NSMAF: variants seen among roughly 807,000 people sequenced by gnomAD.
NSMAF encodes the protein protein FAN.
NSMAF carries 90 observed loss-of-function variants against 134.9 expected under a neutral mutation model. The ratio of observed to expected loss-of-function variants is 0.67; its 90% CI spans 0.56 to 0.79. NSMAF has a LOEUF of 0.79. Ranked by LOEUF, NSMAF falls within the 30% of genes least tolerant of loss-of-function variation. The pLI, the probability that NSMAF is intolerant of heterozygous loss-of-function variation, is 0.00. For missense variants in NSMAF, 1,010 were observed against 1,119.0 expected (o/e 0.90, Z 1.39); for synonymous variants, 358 against 389.6 (o/e 0.92, Z 0.96).
In NSMAF at chr8:58,609,875, T is replaced by G. The variant is rs535817417; in HGVS notation, c.558-142A>C. 2.0e-5 allele frequency: 15 copies of G among 766,094 alleles called. No individual in the cohort carries two copies. In the East Asian group the frequency reaches 4.2e-4, roughly 21 times the overall value. The allele number at this position is 766,094 out of a possible 1,614,324, so 47.5% of individuals were successfully genotyped here. ...ATATAAGAAAAATGGTAATATAAATTGATTGCTTAGATAAAACTGACTCTT... is the reference window on the plus strand; with the variant it reads ...ATATAAGAAAAATGGTAATATAAATGGATTGCTTAGATAAAACTGACTCTT... On this transcript the variant is annotated intron_variant, in intron 9 of 30. Coordinates refer to ENST00000038176, the MANE Select transcript of NSMAF (RefSeq NM_003580.4).
intron 9 of NSMAF, among the ~76,000 whole-genome samples, chr8:58,622,758 T>C (rs570891943): frequency 1.3e-5 from 2 of 152,064 alleles, no homozygotes; most frequent in South Asian, 4.2e-4. Context: ...GGTCTCAAAC[T>C]CTGAGCTCAA....
At chr8:58,589,317 G>C (rs1805971462) in intron 26 of NSMAF, 135 bp downstream of exon 26, 1 of 500,752 alleles carries the variant, frequency 2.0e-6, no homozygotes, top group South Asian at 8.9e-5. Context: ...TTGTGAAAAA[G>C]AGTGGAGTGA....
intron 2 of NSMAF, among the ~76,000 whole-genome samples, chr8:58,637,075 T>C (rs897242066): frequency 1.3e-5 from 2 of 152,082 alleles, no homozygotes; most frequent in African/African-American, 4.8e-5. Flanking sequence ...TAAAATTACG[T>C]ACTCATGAAT....
At chr8:58,593,033 C>CAT (rs753198032) in intron 23 of NSMAF, among the ~76,000 whole-genome samples, 40 of 152,286 alleles carry the variant, frequency 2.6e-4, no homozygotes, top group Non-Finnish European at 4.4e-4. Flanking sequence ...TTAACAAGGT[C>CAT]ATACAAGTAC....
chr8:58,590,746 T>C (rs973330056), intron 24 of NSMAF, 121 bp downstream of exon 24: 2 of 1,062,328 alleles, frequency 1.9e-6, no homozygotes, highest in Non-Finnish European at 2.6e-6. Flanking sequence ...AGGTATCTGG[T>C]AGATTTACTA....
chr8:58,607,760 A>G lies in NSMAF; in HGVS notation c.759+9T>C. ...AATCATGCCCCAGCACAGCCTCCCA[A>G]GGACTCACCAGAGGCATGAGGCCGT... On this transcript the variant is annotated intron_variant, in intron 11 of 30. Transcript: ENST00000038176. The G allele has an allele frequency of 6.2e-7, 1 of 1,610,946 alleles. No homozygotes were observed. Among genetic ancestry groups the G allele is most frequent in the South Asian group, 1.1e-5 (1 of 91,036 alleles).
intron 30 of NSMAF, among the ~76,000 whole-genome samples, chr8:58,585,317 G>GTTATTTTT (rs1554572269): frequency 8.0e-4 from 115 of 144,366 alleles, no homozygotes; most frequent in African/African-American, 2.7e-3. Flanking sequence ...TTGTTTCTGG[G>GTTATTTTT]TTTTTTTTTT....
chr8:58,584,200 C>T lies in NSMAF; in HGVS notation c.2660G>A (p.Gly887Asp). The T allele has an allele frequency of 6.2e-7, 1 of 1,611,888 alleles. No individual in the cohort carries two copies. ...ATTCATCCATATACATGTCACAGCA[C>T]CTGAGAGAAAGACATTTTGGTTAGT... ...KISERIQGHTGAVTCIWMNEQ... is the reference protein window; with the variant it reads ...KISERIQGHTDAVTCIWMNEQ... The change falls in exon 31 of 31, where the codon GGT becomes GAT. Residue 887 changes from glycine (G) to aspartate (D), a missense_variant and splice_region_variant. By Grantham distance (94) the Gly-to-Asp change is moderately conservative (BLOSUM62 -1). Transcript: ENST00000038176.
In NSMAF at chr8:58,602,145, CATAAATCAATAAAT is replaced by C; in HGVS notation, c.1046-22_1046-9del. The C allele has an allele frequency of 6.2e-7, 1 of 1,605,070 alleles. No homozygotes were observed. The highest frequency in any genetic ancestry group is 8.5e-7 in the Non-Finnish European group (1 of 1,172,316). On this transcript the variant is annotated splice_polypyrimidine_tract_variant and intron_variant, in intron 13 of 30. Transcript: ENST00000038176. ...TTCCTGGATTTGACAAATCTATAAA[CATAAATCAATAAAT>C]AACTTCAGCTTATACTTAGTACCAT...
At chr8:58,586,711 ACT>A (rs1805894165) in intron 27 of NSMAF, 103 bp from the exon 28 acceptor site, 1 of 933,766 alleles carries the variant, frequency 1.1e-6, no homozygotes, top group African/African-American at 1.7e-5. Flanking sequence ...TATAAATTAA[ACT>A]CTATTGTGCA....
chr8:58,631,342 G>A, intron 6 of NSMAF, 154 bp downstream of exon 6: 6 of 407,108 alleles, frequency 1.5e-5, no homozygotes, highest in Non-Finnish European at 2.3e-5. Context: ...AAAATCTGTG[G>A]CTCCCTTGGG....
At chr8:58,597,812 G>C in intron 20 of NSMAF, 48 bp downstream of exon 20, 1 of 1,263,672 alleles carries the variant, frequency 7.9e-7, no homozygotes, top group South Asian at 1.3e-5. Flanking sequence ...TTTAGATAAA[G>C]ACATATCTTA....
Position 58,594,542 on chromosome 8 carries a change from T to C in NSMAF, c.1893-252A>G, listed in dbSNP as rs553817848. On this transcript the variant is annotated intron_variant, in intron 22 of 30. Transcript: ENST00000038176. The stretch of plus-strand genomic sequence containing the variant: ...TGTGTTCCACATGCAATGCTTTACA[T>C]ATTCCTGACAATTTCTGGCAATTGG... The C allele has an allele frequency of 1.5e-4, 67 of 460,178 alleles. No homozygotes were observed. In the South Asian group the frequency reaches 2.6e-3, roughly 18 times the overall value. The allele number at this position is 460,178 out of a possible 1,614,324, so 28.5% of individuals were successfully genotyped here.
At chr8:58,637,349 C>T (rs1328941882) in intron 2 of NSMAF, 1 of 456,216 alleles carries the variant, frequency 2.2e-6, no homozygotes, top group Non-Finnish European at 4.4e-6. Context: ...TATTAAGAGA[C>T]CAGATTCTTG....
In NSMAF at chr8:58,654,340, C is replaced by A. The variant is rs111561052; in HGVS notation, c.59+5233G>T. 3.2e-3 allele frequency among the ~76,000 whole-genome samples: 494 copies of A among 152,264 alleles called. 2 individuals are homozygous for A. The highest frequency in any genetic ancestry group is 0.011 in the African/African-American group (470 of 41,546). On this transcript the variant is annotated intron_variant, in intron 1 of 30. Transcript: ENST00000038176. ...CCGGGCGTGGTGGCTCACCTGAGAT[C>A]GGGAGTTCGAGACCAGCCTGACCAA...
intron 6 of NSMAF, 130 bp downstream of exon 6, chr8:58,631,366 A>G (rs1228850307): frequency 2.1e-6 from 1 of 465,662 alleles, no homozygotes; most frequent in East Asian, 3.8e-5. Flanking sequence ...TTTTGTTATA[A>G]CTTCCAGGTA....
intron 1 of NSMAF, among the ~76,000 whole-genome samples, chr8:58,655,780 G>A (rs1320571203): frequency 1.1e-4 from 16 of 151,674 alleles, no homozygotes; most frequent in African/African-American, 2.2e-4. Context: ...TGTGGTGGCC[G>A]CCTGTAGTCC....
chr8:58,600,521 A>G (rs1806255375), intron 16 of NSMAF, among the ~76,000 whole-genome samples: 1 of 149,704 alleles, frequency 6.7e-6, no homozygotes, highest in African/African-American at 2.5e-5. Flanking sequence ...TACTCAGGAG[A>G]CTGAAGCAGG....
chr8:58,649,574 G>C (rs569505296), intron 1 of NSMAF, among the ~76,000 whole-genome samples: 1 of 152,350 alleles, frequency 6.6e-6, no homozygotes, highest in South Asian at 2.1e-4. Flanking sequence ...GTAGGGTCCA[G>C]TGGGAGGTGA....
Sources: gnomAD v4.1 joint callset for allele counts (sites outside exome capture counted in the v4.1 genomes callset) on GRCh38, gnomAD v4.1.1 for gene constraint, MANE v1.5 for transcripts, NCBI Gene and HGNC (gene_info 2026-07-23, HGNC 2026-07-21) for gene names.